Variants in DMRT1 observed in about 807,000 individuals in gnomAD.
The protein encoded by DMRT1 is doublesex- and mab-3-related transcription factor 1.
In DMRT1, 7 loss-of-function variants were observed where a neutral mutation model predicts 32.3. That is an observed-to-expected ratio of 0.22 (90% confidence interval 0.12 to 0.41). The LOEUF is 0.41. DMRT1 is among the 10% of genes least tolerant of loss of function. The pLI is 1.00. For synonymous variants in DMRT1, 278 were observed against 206.1 expected (o/e 1.35, Z -2.99); for missense variants, 625 against 500.5 (o/e 1.25, Z -2.37).
At chr9:867,550 G>A (rs932550370) in intron 2 of DMRT1, among the ~76,000 whole-genome samples, 8 of 152,056 alleles carry the variant, frequency 5.3e-5, no homozygotes, top group Non-Finnish European at 8.8e-5. Flanking sequence ...TAATCTTTAC[G>A]GCAACTCTGT....
intron 2 of DMRT1, among the ~76,000 whole-genome samples, chr9:877,173 G>T (rs1471560625): frequency 1.3e-5 from 2 of 152,230 alleles, no homozygotes; most frequent in African/African-American, 4.8e-5. Flanking sequence ...AATGATGGTT[G>T]AAAGAATGGA....
In DMRT1 at chr9:965,430, G is replaced by GTA. The variant is rs1158553638; in HGVS notation, c.968-2554_968-2553dup. ...CTTGGAGCCCCGCTAGTCCATGCAG[G>GTA]TAATATTCTGCATGCTTTGTGGCCC... On this transcript the variant is annotated intron_variant, in intron 4 of 4. Transcript: ENST00000382276. This position sits in a 1 kb window ranked among gnomAD's most constrained non-coding sequence, Gnocchi z 4.5. Among the ~76,000 whole-genome samples the GTA allele has an allele frequency of 2.0e-4, 31 of 152,192 alleles. No individual in the cohort carries two copies. The highest frequency in any genetic ancestry group is 7.5e-4 in the African/African-American group (31 of 41,444).
At chr9:861,794 C>T (rs531549200) in intron 2 of DMRT1, among the ~76,000 whole-genome samples, 1,932 of 75,854 alleles carry the variant, frequency 0.025, 47 homozygotes, top group African/African-American at 0.066. Flanking sequence ...CCAGACGGGG[C>T]GGCTGCCGGG....
intron 2 of DMRT1, among the ~76,000 whole-genome samples, chr9:864,972 A>G (rs936060791): frequency 2.0e-5 from 3 of 152,178 alleles, no homozygotes; most frequent in African/African-American, 4.8e-5. Flanking sequence ...ATGGGGAGAT[A>G]TACTGTCCAG....
At chr9:928,830 T>A (rs1000911417) in intron 4 of DMRT1, among the ~76,000 whole-genome samples, 2 of 150,092 alleles carry the variant, frequency 1.3e-5, no homozygotes, top group African/African-American at 4.9e-5. Flanking sequence ...AATTTAAATT[T>A]TATTTATTTA....
At chr9:842,370 G>C (rs1362133760) in intron 1 of DMRT1, 178 bp downstream of exon 1, 4 of 773,704 alleles carry the variant, frequency 5.2e-6, no homozygotes, top group Non-Finnish European at 8.1e-6. Context: ...AAGTAGCTGG[G>C]ACTACAGGCG....
intron 4 of DMRT1, among the ~76,000 whole-genome samples, chr9:957,016 A>C (rs1315530171): frequency 6.6e-6 from 1 of 152,318 alleles, no homozygotes; most frequent in East Asian, 1.9e-4. Flanking sequence ...ATATTGCATG[A>C]AGCTGAGGCT....
rs529972183 is a variant in DMRT1 at position 871,685 on chromosome 9, A to G, written c.539-22227A>G. 2.2e-3 allele frequency among the ~76,000 whole-genome samples: 322 copies of G among 149,320 alleles called. 5 individuals are homozygous for G. Among genetic ancestry groups the G allele is most frequent in the African/African-American group, 7.5e-3 (298 of 39,700 alleles). On this transcript the variant is annotated intron_variant, in intron 2 of 4. Transcript: ENST00000382276. ...GAGACGGGGTTTCACCGTGTTAGCC[A>G]GGATGGTCTCAATCTCCTGACCTCG...
At chr9:960,822 A>AG (rs1819747996) in intron 4 of DMRT1, among the ~76,000 whole-genome samples, 1 of 152,180 alleles carries the variant, frequency 6.6e-6, no homozygotes, top group Non-Finnish European at 1.5e-5. Flanking sequence ...TGCCTCTTCG[A>AG]GCTCAAGAAA....
At chr9:883,775 C>T (rs1003755025) in intron 2 of DMRT1, among the ~76,000 whole-genome samples, 2 of 148,020 alleles carry the variant, frequency 1.4e-5, no homozygotes, top group Non-Finnish European at 1.5e-5. Context: ...CTGGGCGGAG[C>T]AAGACCTGTT....
intron 2 of DMRT1, among the ~76,000 whole-genome samples, chr9:855,507 A>T (rs1429633037): frequency 6.6e-6 from 1 of 152,258 alleles, no homozygotes; most frequent in Non-Finnish European, 1.5e-5. Flanking sequence ...TTAAATTTGA[A>T]GCTCTATTTT....
At chr9:863,337 A>C (rs997960649) in intron 2 of DMRT1, among the ~76,000 whole-genome samples, 2 of 134,456 alleles carry the variant, frequency 1.5e-5, no homozygotes, top group African/African-American at 2.7e-5. Context: ...AAAAAAAAAA[A>C]GGGCAGGGGA....
At chr9:919,665 G>T (rs1410134358) in intron 4 of DMRT1, among the ~76,000 whole-genome samples, 1 of 152,160 alleles carries the variant, frequency 6.6e-6, no homozygotes, top group Non-Finnish European at 1.5e-5. Context: ...TGATTTGTCT[G>T]TCTTGTGCTT....
chr9:931,557 C>T (rs1299364946), intron 4 of DMRT1, among the ~76,000 whole-genome samples: 3 of 152,178 alleles, frequency 2.0e-5, no homozygotes, highest in African/African-American at 7.2e-5. Context: ...AGTCTGGAGG[C>T]TGGAAGTCCA....
chr9:913,423 T>A (rs1226799071), intron 3 of DMRT1, among the ~76,000 whole-genome samples: 2 of 46,926 alleles, frequency 4.3e-5, no homozygotes, highest in Non-Finnish European at 1.1e-4. Flanking sequence ...AAAGTGTGTT[T>A]GAGTTTTTAC....
chr9:906,902 C>T (rs1397695142), intron 3 of DMRT1, among the ~76,000 whole-genome samples: 1 of 152,140 alleles, frequency 6.6e-6, no homozygotes, highest in Non-Finnish European at 1.5e-5. Flanking sequence ...TCCTTGGGAC[C>T]AGAACCAAGT....
chr9:899,666 T>C (rs1586587910), intron 3 of DMRT1, among the ~76,000 whole-genome samples: 1 of 152,342 alleles, frequency 6.6e-6, no homozygotes, highest in East Asian at 1.9e-4. Flanking sequence ...CACTTCTGCA[T>C]TTAATTGCCT....
At chr9:939,782 A>G (rs144506746) in intron 4 of DMRT1, among the ~76,000 whole-genome samples, 16 of 152,340 alleles carry the variant, frequency 1.1e-4, no homozygotes, top group African/African-American at 3.1e-4. Context: ...TTTCTTTCAT[A>G]TAGATACTAC....
rs140608243 is a variant in DMRT1 at position 861,050 on chromosome 9, CT to C, written c.538+13929del. On this transcript the variant is annotated intron_variant, in intron 2 of 4. Coordinates refer to ENST00000382276, the MANE Select transcript of DMRT1 (RefSeq NM_021951.3). ...TGAATGGTGTGATCTAATTTACTTT[CT>C]TTTTTTTTTTTTTTTTTTTTTAGTA... is the stretch of plus-strand genomic sequence containing the variant. 1.5e-3 allele frequency among the ~76,000 whole-genome samples: 187 copies of C among 121,354 alleles called. 1 individual carries two copies. Among genetic ancestry groups the C allele is most frequent in the Middle Eastern group, 9.0e-3 (2 of 222 alleles). 79.6% of individuals were successfully genotyped at this position (121,354 alleles called of 152,430 possible).
Sources: gnomAD v4.1 joint callset for allele counts (sites outside exome capture counted in the v4.1 genomes callset) on GRCh38, gnomAD v4.1.1 for gene constraint, Gnocchi (gnomAD v3.1) non-coding constraint, MANE v1.5 for transcripts, NCBI Gene and HGNC (gene_info 2026-07-23, HGNC 2026-07-21) for gene names.